KIN: variants seen among roughly 807,000 people sequenced by gnomAD.
KIN encodes DNA/RNA-binding protein KIN17.
KIN carries 47 observed loss-of-function variants against 63.0 expected under a neutral mutation model. The observed-to-expected ratio is 0.75, with a 90% confidence interval of 0.59 to 0.95. The LOEUF (loss-of-function observed/expected upper bound fraction) is 0.95, where lower values mean the gene tolerates loss of function less well. Among genes scored for constraint, KIN ranks in the 40% least tolerant of loss-of-function variants. The probability of loss-of-function intolerance (pLI) is 0.00; values close to 1 mark genes in which losing one functional copy is unlikely to be tolerated. For missense variants in KIN, 408 were observed against 460.9 expected (o/e 0.89, Z 1.05); for synonymous variants, 160 against 157.7 (o/e 1.01, Z -0.11).
chr10:7,781,687 C>T (rs185148955), intron 2 of KIN, among the ~76,000 whole-genome samples: 153 of 146,798 alleles, frequency 1.0e-3, no homozygotes, highest in East Asian at 7.0e-3. Flanking sequence ...GCAGGAGGAT[C>T]GCCTGAGCCC....
chr10:7,763,778 T>G lies in KIN; in HGVS notation c.863A>C (p.Lys288Thr). 1 of 1,359,176 alleles carries G rather than the reference T, an allele frequency of 7.4e-7. No individual in the cohort carries two copies. Among genetic ancestry groups the G allele is most frequent in the Non-Finnish European group, 1.0e-6 (1 of 964,718 alleles). 84.2% of individuals were successfully genotyped at this position (1,359,176 alleles called of 1,614,324 possible). Residue 288 changes from lysine (K) to threonine (T), a missense_variant, in exon 10 of 13, where the codon AAA becomes ACA. Lys to Thr is a moderately conservative substitution (Grantham distance 78). Around this residue, in one of 2 missense-constraint regions of KIN, gnomAD observed 298 missense variants for 296.0 expected, o/e 1.01. Transcript: ENST00000379562. ...CTCTCCCAGTTTCTTGGTTATAATT[T>G]TCACAATAATTTCCTAGAAAATAAT... The part of the protein sequence containing the change: ...DYWLQPEIIV[K>T]IITKKLGEKY...
chr10:7,776,229 CAA>C (rs66884181), intron 5 of KIN, among the ~76,000 whole-genome samples: 56 of 112,934 alleles, frequency 5.0e-4, no homozygotes, highest in African/African-American at 4.5e-4. Flanking sequence ...GACTCCATCT[CAA>C]AAAAAAAAAA....
Position 7,751,757 on chromosome 10 carries a change from G to A in KIN, c.*4323C>T, listed in dbSNP as rs1206289801. The A allele has an allele frequency of 6.6e-6, 1 of 152,062 alleles. No individual in the cohort carries two copies. Among genetic ancestry groups the A allele is most frequent in the African/African-American group, 2.4e-5 (1 of 41,394 alleles). The allele number at this position is 152,062 out of a possible 1,614,324, so 9.4% of individuals were successfully genotyped here. On this transcript the variant is annotated 3_prime_UTR_variant, in exon 13 of 13. Transcript: ENST00000379562. ...CATAAACTTCAAAAGTGAGATTTTA[G>A]CATTAACTCTGTTATTTGGTTAAAA...
At chr10:7,784,242 A>G (rs184011002) in intron 1 of KIN, among the ~76,000 whole-genome samples, 66 of 152,322 alleles carry the variant, frequency 4.3e-4, no homozygotes, top group African/African-American at 1.5e-3. Flanking sequence ...ATTACAGAAA[A>G]GAATTAATCC....
At chr10:7,756,189 A>G in intron 12 of KIN, 47 bp from the exon 13 acceptor site, 1 of 1,151,342 alleles carries the variant, frequency 8.7e-7, no homozygotes, top group Non-Finnish European at 1.2e-6. Flanking sequence ...ACATATTCCT[A>G]AAAGACAAAA....
At position 7,756,043 on chromosome 10, in the gene KIN, T is replaced by C. The variant is rs1835326418; in HGVS notation, c.*37A>G. Reference sequence around the variant, plus strand: ...GCCTTGGCGAACACCAATTTGATGCTTTAAGATTTTAATGTATTGTTAACA... The same window carrying C: ...GCCTTGGCGAACACCAATTTGATGCCTTAAGATTTTAATGTATTGTTAACA... On this transcript the variant is annotated 3_prime_UTR_variant, in exon 13 of 13. Transcript: ENST00000379562. The C allele has an allele frequency of 7.8e-7, 1 of 1,278,764 alleles. No individual in the cohort carries two copies. The highest frequency in any genetic ancestry group is 1.5e-5 in the African/African-American group (1 of 67,472). The allele number at this position is 1,278,764 out of a possible 1,614,324, so 79.2% of individuals were successfully genotyped here.
In KIN at chr10:7,766,099, T is replaced by C; in HGVS notation, c.803A>G (p.Glu268Gly). 1 of 1,607,240 alleles carries C rather than the reference T, an allele frequency of 6.2e-7. No homozygotes were observed. Among genetic ancestry groups the C allele is most frequent in the Non-Finnish European group, 8.5e-7 (1 of 1,174,930 alleles). ...KSALDEIMEI[E>G]EEKKRTARTD... The stretch of plus-strand genomic sequence containing the variant: ...TCGGGCAGTTCTTTTCTTTTCCTCT[T>C]CAATCTGTAGAACACATAATGTCTT... Residue 268 changes from glutamate to glycine, a missense_variant, in exon 9 of 13, where the codon GAA becomes GGA. By Grantham distance (98) the Glu-to-Gly change is moderately conservative. This residue lies in a region of KIN where 298 missense variants were observed against 296.0 expected (regional missense o/e 1.01). Transcript: ENST00000379562.
chr10:7,768,253 C>T (rs1248097158), intron 8 of KIN, among the ~76,000 whole-genome samples: 1 of 152,174 alleles, frequency 6.6e-6, no homozygotes, highest in African/African-American at 2.4e-5. Flanking sequence ...GGTGCAGTGG[C>T]TCACACCTGT....
rs1835278255 is a variant in KIN, at chr10:7,753,684, A to G, written c.*2396T>C. The G allele has an allele frequency of 6.3e-6, 1 of 159,220 alleles. No homozygotes were observed. The highest frequency in any genetic ancestry group is 2.4e-5 in the African/African-American group (1 of 41,608). 9.9% of individuals were successfully genotyped at this position (159,220 alleles called of 1,614,324 possible). ...CATTCTAATATTACAAAGCCAATGA[A>G]CAGAACTGCCAGAATTTGATCTAAA... On this transcript the variant is annotated 3_prime_UTR_variant, in exon 13 of 13. Transcript: ENST00000379562.
chr10:7,769,188 G>A (rs1281170446), intron 8 of KIN, 28 bp downstream of exon 8: 3 of 1,579,650 alleles, frequency 1.9e-6, no homozygotes, highest in Non-Finnish European at 2.6e-6. Flanking sequence ...GGGTTCTAAG[G>A]TGTCCACACG....
intron 6 of KIN, 64 bp from the exon 7 acceptor site, chr10:7,774,955 T>C: frequency 8.4e-7 from 1 of 1,183,522 alleles, no homozygotes; most frequent in Non-Finnish European, 1.3e-6. Flanking sequence ...ACTTCTCAGA[T>C]AAGATACTAC....
Position 7,768,745 on chromosome 10 carries a change from T to C in KIN, c.798+471A>G, listed in dbSNP as rs574770818. 2.6e-5 allele frequency among the ~76,000 whole-genome samples: 4 copies of C among 152,144 alleles called. 1 individual carries two copies. The highest frequency in any genetic ancestry group is 9.6e-5 in the African/African-American group (4 of 41,520). ...AAAAGAAACCTATTTAGGTGGGGCATGGTGGCTCATGCCTGTAATCCCAGC... is the reference window on the plus strand; with the variant it reads ...AAAAGAAACCTATTTAGGTGGGGCACGGTGGCTCATGCCTGTAATCCCAGC... On this transcript the variant is annotated intron_variant, in intron 8 of 12. Transcript: ENST00000379562.
At chr10:7,756,318 AAGAAC>A in intron 12 of KIN, among the ~76,000 whole-genome samples, 176 bp from the exon 13 acceptor site, 1 of 152,318 alleles carries the variant, frequency 6.6e-6, no homozygotes, top group African/African-American at 2.4e-5. Flanking sequence ...CATTCTCATT[AAGAAC>A]TACCATATTT....
Position 7,756,825 on chromosome 10 carries a change from T to C in KIN, c.1120-683A>G, listed in dbSNP as rs115297509. Among the ~76,000 whole-genome samples, 668 of 152,306 alleles carry C rather than the reference T, an allele frequency of 4.4e-3. 6 individuals are homozygous for C. The highest frequency in any genetic ancestry group is 0.015 in the African/African-American group (643 of 41,564). The stretch of plus-strand genomic sequence containing the variant: ...GCTGTGATAGTTACACTGGTCCAGA[T>C]TATAAAAAGAGTCCAACTTTAACTT... On this transcript the variant is annotated intron_variant, in intron 12 of 12. Coordinates refer to ENST00000379562, the MANE Select transcript of KIN (RefSeq NM_012311.4).
chr10:7,773,866 G>A (rs1835714212), intron 7 of KIN, among the ~76,000 whole-genome samples: 1 of 152,178 alleles, frequency 6.6e-6, no homozygotes, highest in South Asian at 2.1e-4. Flanking sequence ...AAAACTGAAT[G>A]TACTGCATGT....
Position 7,778,844 on chromosome 10 carries a change from C to T in KIN, c.552G>A (p.Lys184=), listed in dbSNP as rs758619638. The stretch of plus-strand genomic sequence containing the variant: ...GATGATGTTGCTTACCCACCTGTTC[C>T]TTCCCTTCCAGGCCTCTTCTCACTT... ...EEQVRRGLEG[K]EQEVPTFTEL... Residue 184 remains lysine (K), a synonymous_variant, in exon 5 of 13, where the codon AAG becomes AAA. Transcript: ENST00000379562. 3 of 1,613,688 alleles carry T rather than the reference C, an allele frequency of 1.9e-6. No homozygotes were observed. Among genetic ancestry groups the T allele is most frequent in the Non-Finnish European group, 2.5e-6 (3 of 1,179,934 alleles).
chr10:7,763,705 A>T lies in KIN; in HGVS notation c.918+18T>A, dbSNP rs766194722. ...CAAGCTTTTTTCACAAATTCCATTCATAATTGCACGTCCTTACCTTAACAA... is the reference window on the plus strand; with the variant it reads ...CAAGCTTTTTTCACAAATTCCATTCTTAATTGCACGTCCTTACCTTAACAA... On this transcript the variant is annotated intron_variant, in intron 10 of 12. Transcript: ENST00000379562. 3 of 1,393,076 alleles carry T rather than the reference A, an allele frequency of 2.2e-6. No individual in the cohort carries two copies. The South Asian group carries it at 3.8e-5, about 18-fold the overall frequency. 86.3% of individuals were successfully genotyped at this position (1,393,076 alleles called of 1,614,324 possible). A position where few individuals can be genotyped will look rare whatever the true frequency, so the allele number is the denominator to read the frequency against.
intron 2 of KIN, 129 bp from the exon 3 acceptor site, chr10:7,780,436 C>A: frequency 1.4e-6 from 1 of 716,302 alleles, no homozygotes. Flanking sequence ...TTCTCGTCAC[C>A]CAAGCTGGAG....
At chr10:7,777,053 C>CAAAAAAAAAAAAAAAAAAA (rs60757813) in intron 5 of KIN, among the ~76,000 whole-genome samples, 1 of 80,724 alleles carries the variant, frequency 1.2e-5, no homozygotes, top group African/African-American at 4.9e-5. Flanking sequence ...GACAGTCTCT[C>CAAAAAAAAAAAAAAAAAAA]AAAAAAAAAA....
Sources: gnomAD v4.1 joint callset for allele counts (sites outside exome capture counted in the v4.1 genomes callset) on GRCh38, gnomAD v4.1.1 for gene constraint, gnomAD v4.1.1 regional missense constraint, MANE v1.5 for transcripts, NCBI Gene and HGNC (gene_info 2026-07-23, HGNC 2026-07-21) for gene names.